Variants in RNF44 observed in about 807,000 individuals in gnomAD.
RNF44 encodes ring finger protein 44.
Under a neutral mutation model 53.6 loss-of-function variants are expected in RNF44, and 25 were observed. The ratio of observed to expected loss-of-function variants is 0.47; its 90% CI spans 0.34 to 0.65. The LOEUF (loss-of-function observed/expected upper bound fraction) is 0.65, where lower values mean the gene tolerates loss of function less well. RNF44 is among the 30% of genes least tolerant of loss of function. RNF44 has a pLI of 0.01. For missense variants in RNF44, 581 were observed against 595.5 expected, an observed-to-expected ratio of 0.98 and a Z score of 0.25; for synonymous variants, 282 against 252.2, an observed-to-expected ratio of 1.12 and a Z score of -1.12.
At chr5:176,541,453 C>A (rs1016311776), upstream of RNF44, among the ~76,000 whole-genome samples, 1 of 152,116 alleles carries the variant, frequency 6.6e-6, no homozygotes, top group African/African-American at 2.4e-5. Context: ...ATGCAGATGT[C>A]CCCAGGGAAA....
At chr5:176,543,126 G>C in the RNF44 span, among the ~76,000 whole-genome samples, 2,297 of 151,392 alleles carry the variant, frequency 0.015, 81 homozygotes, top group Admixed American at 0.088. This position sits in a 1 kb window ranked among gnomAD's most constrained non-coding sequence, Gnocchi z 4.0. Context: ...AGCTCCCGCC[G>C]TGCGGGCGCC....
chr5:176,529,093 G>A lies in RNF44; in HGVS notation c.1237-3C>T. On this transcript the variant is annotated splice_polypyrimidine_tract_variant and splice_region_variant and intron_variant, in intron 10 of 10. Coordinates refer to ENST00000274811, the MANE Select transcript of RNF44 (RefSeq NM_014901.5). ...CAGATGGGACACGTCCGGTTGGCCTGTGGGAACATGCACGTCAGGCGTTGC... is the reference window on the plus strand; with the variant it reads ...CAGATGGGACACGTCCGGTTGGCCTATGGGAACATGCACGTCAGGCGTTGC... The A allele has an allele frequency of 6.2e-7, 1 of 1,613,160 alleles. No homozygotes were observed. Among genetic ancestry groups the A allele is most frequent in the Non-Finnish European group, 8.5e-7 (1 of 1,179,966 alleles).
chr5:176,542,327 A>T (rs1457286272), upstream of RNF44, among the ~76,000 whole-genome samples: 1 of 149,950 alleles, frequency 6.7e-6, no homozygotes, highest in Admixed American at 6.7e-5. Context: ...CCAGGTGTGA[A>T]GCTGGGTGAA....
Position 176,529,275 on chromosome 5 carries a change from T to G in RNF44, c.1236+13A>C. On this transcript the variant is annotated intron_variant, in intron 10 of 10. Coordinates refer to ENST00000274811, the MANE Select transcript of RNF44 (RefSeq NM_014901.5). ...CATGAGGAATACCCAGGAGCAGACC[T>G]GGGCAGTGTTACCTTCAACCACTTG... 4.3e-6 allele frequency: 7 copies of G among 1,611,208 alleles called. No homozygotes were observed. The highest frequency in any genetic ancestry group is 5.9e-6 in the Non-Finnish European group (7 of 1,177,720).
Position 176,532,143 on chromosome 5 carries a change from A to G in RNF44, c.158T>C (p.Leu53Ser), listed in dbSNP as rs760171271. ...TCGGGACGGCGGCTGCTGGGAGGGT[A>G]AGCGCTCATCCCGGGCAGGCGGGCT... is the stretch of plus-strand genomic sequence containing the variant. ...LASPPARDERLPSQQPPSRPP... is the reference protein window; with the variant it reads ...LASPPARDERSPSQQPPSRPP... Residue 53 changes from leucine to serine, a missense_variant, in exon 3 of 11, where the codon TTA becomes TCA. Leu to Ser is a moderately radical substitution (Grantham distance 145, BLOSUM62 -2). Around this residue, in one of 3 missense-constraint regions of RNF44, gnomAD observed 387 missense variants for 366.0 expected, o/e 1.06. Transcript: ENST00000274811. 8.3e-6 allele frequency: 13 copies of G among 1,573,888 alleles called. No homozygotes were observed. Among genetic ancestry groups the G allele is most frequent in the African/African-American group, 1.4e-5 (1 of 73,602 alleles).
chr5:176,531,603 A>G lies in RNF44; in HGVS notation c.325T>C (p.Tyr109His), dbSNP rs1298419219. Residue 109 changes from tyrosine (Y) to histidine (H), a missense_variant, in exon 4 of 11, where the codon TAC becomes CAC. Coordinates refer to ENST00000274811, the MANE Select transcript of RNF44 (RefSeq NM_014901.5). This position sits in a 1 kb window ranked among gnomAD's most constrained non-coding sequence, Gnocchi z 4.2. ...TGGGTCGTCACTGTGGTGACCGTGTAGGACAGAGGGACAGGTCCCTGGTGC... is the reference window on the plus strand; with the variant it reads ...TGGGTCGTCACTGTGGTGACCGTGTGGGACAGAGGGACAGGTCCCTGGTGC... Reference protein sequence around the residue: ...QVHQGPVPLSYTVTTVTTQGF... With the variant: ...QVHQGPVPLSHTVTTVTTQGF... 1.3e-5 allele frequency: 21 copies of G among 1,613,032 alleles called. No individual in the cohort carries two copies. Among genetic ancestry groups the G allele is most frequent in the Non-Finnish European group, 1.7e-5 (20 of 1,179,604 alleles).
Position 176,531,747 on chromosome 5 carries a change from G to T in RNF44, c.298-117C>A. 2 of 1,139,118 alleles carry T rather than the reference G, an allele frequency of 1.8e-6. No individual in the cohort carries two copies. The highest frequency in any genetic ancestry group is 2.6e-5 in the East Asian group (1 of 38,696). 70.6% of individuals were successfully genotyped at this position (1,139,118 alleles called of 1,614,324 possible). ...CGGCTCCCTTCCCTTCTCCACGGCGGCCTACCTCAGTGCAGACCAGACTGT... is the reference window on the plus strand; with the variant it reads ...CGGCTCCCTTCCCTTCTCCACGGCGTCCTACCTCAGTGCAGACCAGACTGT... On this transcript the variant is annotated intron_variant, in intron 3 of 10. Transcript: ENST00000274811. The surrounding 1 kb of genome is among the most constrained non-coding windows in gnomAD (Gnocchi z 4.2).
In RNF44 at chr5:176,528,971, AC is replaced by A. The variant is rs766098977; in HGVS notation, c.*56del. On this transcript the variant is annotated 3_prime_UTR_variant, in exon 11 of 11. Transcript: ENST00000274811. ...TCCCTCCCCATCCTCCCTGGGCCCC[AC>A]CCACAAGTTTCCAGAGCTTCAGGCA... 5.2e-5 allele frequency: 81 copies of A among 1,545,466 alleles called. No homozygotes were observed. Among genetic ancestry groups the A allele is most frequent in the Non-Finnish European group, 7.1e-5 (80 of 1,128,532 alleles).
intron 1 of RNF44, among the ~76,000 whole-genome samples, chr5:176,535,092 C>T (rs1232293451): frequency 6.6e-6 from 1 of 152,286 alleles, no homozygotes; most frequent in Middle Eastern, 3.4e-3. Context: ...GGCCTCCAGC[C>T]GTGGGTAAGA....
chr5:176,530,691 AG>A lies in RNF44; in HGVS notation c.691del (p.Leu231TrpfsTer42). The A allele has an allele frequency of 1.3e-6, 2 of 1,550,028 alleles. No homozygotes were observed. The highest frequency in any genetic ancestry group is 1.4e-5 in the African/African-American group (1 of 72,012). On this transcript the variant is annotated frameshift_variant, in exon 6 of 11. Coordinates refer to ENST00000274811, the MANE Select transcript of RNF44 (RefSeq NM_014901.5). LOFTEE classifies it high-confidence loss of function. ...AGAGGTGGAGTAGGTGAAGCTGCCC[AG>A]GGAGGGCTGGTCCCCACGCAGGTCC... Reference protein sequence around the residue: ...DVDLRGDQPSLGSFTYSTSAP... With the variant: ...DVDLRGDQPSXGSFTYSTSAP...
chr5:176,538,136 AG>A (rs1361991089), upstream of RNF44: 1 of 152,200 alleles, frequency 6.6e-6, no homozygotes, highest in Admixed American at 6.5e-5. Context: ...TGTAGTTTAA[AG>A]CAAAAGTGCA....
chr5:176,529,273 C>T lies in RNF44; in HGVS notation c.1236+15G>A. 6.2e-7 allele frequency: 1 copy of T among 1,611,032 alleles called. No homozygotes were observed. Among genetic ancestry groups the T allele is most frequent in the Non-Finnish European group, 8.5e-7 (1 of 1,177,586 alleles). ...TGCATGAGGAATACCCAGGAGCAGA[C>T]CTGGGCAGTGTTACCTTCAACCACT... On this transcript the variant is annotated intron_variant, in intron 10 of 10. Transcript: ENST00000274811.
In RNF44 at chr5:176,530,887, C is replaced by G; in HGVS notation, c.600G>C (p.Leu200=). The G allele has an allele frequency of 2.6e-6, 1 of 383,928 alleles. No homozygotes were observed. Among genetic ancestry groups the G allele is most frequent in the Non-Finnish European group, 3.6e-6 (1 of 278,036 alleles). 23.8% of individuals were successfully genotyped at this position (383,928 alleles called of 1,614,324 possible). A position where few individuals can be genotyped will look rare whatever the true frequency, so the allele number is the denominator to read the frequency against. ...PPPQPTHMAP[L]GQFVSLQTQH... ...GGGTCTGCAGAGACACAAACTGCCC[C>G]AGGGGCGCCATGTGGGTGGGCTGGG... The change falls in exon 5 of 11, where the codon CTG becomes CTC. Residue 200 remains leucine (L), a synonymous_variant. Coordinates refer to ENST00000274811, the MANE Select transcript of RNF44 (RefSeq NM_014901.5).
At chr5:176,540,734 C>T (rs1038704698), upstream of RNF44, among the ~76,000 whole-genome samples, 2 of 152,216 alleles carry the variant, frequency 1.3e-5, no homozygotes, top group African/African-American at 2.4e-5. Context: ...CCTGTCCCTG[C>T]CCCAGGAAAC....
Position 176,532,092 on chromosome 5 carries a change from C to T in RNF44, c.209G>A (p.Arg70His), listed in dbSNP as rs374343978. The change falls in exon 3 of 11, where the codon CGC becomes CAC. Residue 70 changes from arginine (R) to histidine (H), a missense_variant. By Grantham distance (29) the Arg-to-His change is conservative. Coordinates refer to ENST00000274811, the MANE Select transcript of RNF44 (RefSeq NM_014901.5). Reference sequence around the variant, plus strand: ...CCCGCCGGCAGGAGCCGAGGCTCGGCGCTCCTCTACGGGGAGGTGTGGAGG... The same window carrying T: ...CCCGCCGGCAGGAGCCGAGGCTCGGTGCTCCTCTACGGGGAGGTGTGGAGG... Reference protein sequence around the residue: ...SRPPHLPVEERRASAPAGGSP... With the variant: ...SRPPHLPVEEHRASAPAGGSP... 23 of 1,601,034 alleles carry T rather than the reference C, an allele frequency of 1.4e-5. No homozygotes were observed. Among genetic ancestry groups the T allele is most frequent in the East Asian group, 4.5e-5 (2 of 44,762 alleles).
chr5:176,539,426 A>C (rs1757394463), upstream of RNF44, among the ~76,000 whole-genome samples: 1 of 152,232 alleles, frequency 6.6e-6, no homozygotes, highest in South Asian at 2.1e-4. Context: ...ACGGTGGCTC[A>C]CGCCTGTAAT....
upstream of RNF44, among the ~76,000 whole-genome samples, chr5:176,539,898 G>A (rs527757062): frequency 2.0e-5 from 3 of 152,204 alleles, no homozygotes; most frequent in South Asian, 2.1e-4. Flanking sequence ...GTGGTGCTTC[G>A]TCTGGCTTTC....
At chr5:176,540,278 G>A (rs1757418752), upstream of RNF44, among the ~76,000 whole-genome samples, 3 of 152,134 alleles carry the variant, frequency 2.0e-5, no homozygotes, top group South Asian at 6.2e-4. Context: ...AGGACCTGAG[G>A]CTCAAAGAGG....
At chr5:176,533,860 A>C (rs1160447153) in intron 1 of RNF44, among the ~76,000 whole-genome samples, 1 of 152,162 alleles carries the variant, frequency 6.6e-6, no homozygotes, top group Non-Finnish European at 1.5e-5. Context: ...GTCCAACAGG[A>C]CCAGATCTTT....
Sources: allele counts gnomAD v4.1 joint callset (sites outside exome capture counted in the v4.1 genomes callset), GRCh38; gene constraint gnomAD v4.1.1; regional missense constraint gnomAD v4.1.1; non-coding constraint Gnocchi (gnomAD v3.1); transcripts MANE v1.5; gene names NCBI Gene and HGNC (gene_info 2026-07-23, HGNC 2026-07-21).